The following CTNND2 variants were observed in gnomAD, a reference collection of about 807,000 sequenced individuals.
CTNND2 encodes catenin delta-2.
A neutral mutation model predicts 144.4 loss-of-function variants in CTNND2; 22 were observed. The observed-to-expected ratio is 0.15, with a 90% CI of 0.11 to 0.22. The LOEUF is 0.22. Ranked by LOEUF, CTNND2 falls within the 10% of genes least tolerant of loss-of-function variation. CTNND2 has a pLI of 1.00. For missense variants in CTNND2, 1,353 were observed against 1,618.8 expected (o/e 0.84, Z 2.82); for synonymous variants, 751 against 695.6 (o/e 1.08, Z -1.25).
chr5:11,018,535 G>T (rs1741869524), intron 17 of CTNND2, among the ~76,000 whole-genome samples: 1 of 152,092 alleles, frequency 6.6e-6, no homozygotes, highest in Admixed American at 6.6e-5. Context: ...TGAATGCAAA[G>T]GAAAAGTTCT....
intron 3 of CTNND2, among the ~76,000 whole-genome samples, chr5:11,557,487 C>T (rs1776322435): frequency 6.6e-6 from 1 of 152,190 alleles, no homozygotes; most frequent in South Asian, 2.1e-4. Flanking sequence ...TAAATGCCAT[C>T]TGCATTACTA....
At chr5:11,123,701 G>T (rs2149704351) in intron 12 of CTNND2, among the ~76,000 whole-genome samples, 1 of 152,336 alleles carries the variant, frequency 6.6e-6, no homozygotes, top group Middle Eastern at 3.4e-3. Flanking sequence ...CCTATACTTC[G>T]ATTAGCCCCA....
intron 2 of CTNND2, among the ~76,000 whole-genome samples, chr5:11,568,363 T>C (rs1777288008): frequency 6.6e-6 from 1 of 152,102 alleles, no homozygotes; most frequent in Admixed American, 6.5e-5. Context: ...GTGTGGAAAC[T>C]CTCTCAAGGC....
chr5:11,707,380 C>T (rs367907822), intron 2 of CTNND2, among the ~76,000 whole-genome samples: 2 of 152,164 alleles, frequency 1.3e-5, no homozygotes, highest in East Asian at 3.9e-4. Context: ...ACAGAATATA[C>T]CCGTTGTCTC....
At chr5:11,563,323 A>G (rs1384684449) in intron 3 of CTNND2, among the ~76,000 whole-genome samples, 2 of 152,258 alleles carry the variant, frequency 1.3e-5, no homozygotes, top group East Asian at 1.9e-4. Context: ...CATCAAGTCA[A>G]TGGTGCATAT....
intron 2 of CTNND2, among the ~76,000 whole-genome samples, chr5:11,664,025 A>C (rs2727604): frequency 2.0e-5 from 3 of 152,202 alleles, no homozygotes; most frequent in African/African-American, 7.2e-5. Context: ...TTAGTTGCCA[A>C]CATATTTCAA....
chr5:11,319,593 TCAC>T lies in CTNND2; in HGVS notation c.1628+26776_1628+26778del, dbSNP rs1259573500. ...TAGAGTGCAATGGCACAATCTCAGA[TCAC>T]CACAACTTCTGCCTCTTCTGTTCAA... On this transcript the variant is annotated intron_variant, in intron 9 of 21. Transcript: ENST00000304623. Among the ~76,000 whole-genome samples, 74 of 152,182 alleles carry T rather than the reference TCAC, an allele frequency of 4.9e-4. 1 individual carries two copies. Among genetic ancestry groups the T allele is most frequent in the Admixed American group, 4.8e-3 (74 of 15,282 alleles).
At chr5:11,191,633 G>A (rs1208488083) in intron 11 of CTNND2, among the ~76,000 whole-genome samples, 1 of 152,158 alleles carries the variant, frequency 6.6e-6, no homozygotes, top group Non-Finnish European at 1.5e-5. Context: ...GCGGGCAGAG[G>A]GCATCAGGGC....
At chr5:11,271,417 C>T (rs1745996491) in intron 9 of CTNND2, among the ~76,000 whole-genome samples, 1 of 152,166 alleles carries the variant, frequency 6.6e-6, no homozygotes, top group South Asian at 2.1e-4. Flanking sequence ...AAAGCTAAAA[C>T]TAAACCAAGG....
At chr5:11,696,576 C>T (rs1274139412) in intron 2 of CTNND2, among the ~76,000 whole-genome samples, 1 of 152,168 alleles carries the variant, frequency 6.6e-6, no homozygotes, top group East Asian at 1.9e-4. Flanking sequence ...TAATAATTTG[C>T]ATTAGAATGA....
intron 1 of CTNND2, among the ~76,000 whole-genome samples, chr5:11,773,409 A>G (rs953762747): frequency 2.6e-5 from 4 of 152,348 alleles, no homozygotes; most frequent in South Asian, 2.1e-4. Context: ...CACTCCTGTG[A>G]TACAGAATTA....
At chr5:11,880,668 ACTACT>A (rs1258537786) in intron 1 of CTNND2, among the ~76,000 whole-genome samples, 4 of 115,248 alleles carry the variant, frequency 3.5e-5, no homozygotes, top group African/African-American at 1.3e-4. Flanking sequence ...CACCACTACT[ACTACT>A]CTACCACTAC....
At position 11,111,300 on chromosome 5, in the gene CTNND2, T is replaced by C. The variant is rs114788813; in HGVS notation, c.2278-257A>G. ...TTCTATAAACATCTGTTATTGTTGA[T>C]TGAAATTCACTTGTGAGAAGGGAAG... On this transcript the variant is annotated intron_variant, in intron 13 of 21. Coordinates refer to ENST00000304623, the MANE Select transcript of CTNND2 (RefSeq NM_001332.4). Among the ~76,000 whole-genome samples the C allele has an allele frequency of 2.5e-3, 375 of 152,334 alleles. 1 individual carries two copies. The highest frequency in any genetic ancestry group is 8.7e-3 in the African/African-American group (362 of 41,584).
intron 16 of CTNND2, among the ~76,000 whole-genome samples, chr5:11,030,036 G>GT (rs56720379): frequency 0.018 from 2,708 of 150,354 alleles, 85 homozygotes; most frequent in African/African-American, 0.061. Flanking sequence ...TTGGCTGACA[G>GT]TTTTTTTTTT....
At chr5:11,282,602 G>T (rs879789890) in intron 9 of CTNND2, among the ~76,000 whole-genome samples, 22 of 152,174 alleles carry the variant, frequency 1.4e-4, no homozygotes, top group Admixed American at 1.4e-3. Context: ...CGACTGTTTT[G>T]TCTTCCTGTA....
chr5:11,069,976 G>A (rs769224310), intron 16 of CTNND2, among the ~76,000 whole-genome samples: 7 of 152,130 alleles, frequency 4.6e-5, no homozygotes, highest in Admixed American at 1.3e-4. Context: ...TAGCAACCCC[G>A]TAGATGAAAT....
intron 1 of CTNND2, among the ~76,000 whole-genome samples, chr5:11,805,446 C>T (rs1330112580): frequency 6.6e-6 from 1 of 152,014 alleles, no homozygotes; most frequent in African/African-American, 2.4e-5. Context: ...GAAGAAATGG[C>T]TGATCCTAAG....
intron 11 of CTNND2, among the ~76,000 whole-genome samples, chr5:11,166,552 A>C (rs1759354894): frequency 6.6e-6 from 1 of 151,760 alleles, no homozygotes; most frequent in African/African-American, 2.4e-5. Context: ...CGGCCAAAAA[A>C]AGTTCATTTT....
At chr5:11,796,792 A>AT (rs1192378179) in intron 1 of CTNND2, among the ~76,000 whole-genome samples, 1 of 152,136 alleles carries the variant, frequency 6.6e-6, no homozygotes, top group East Asian at 2.0e-4. Flanking sequence ...CATTTCCTAC[A>AT]TTTTTATAAC....
Sources: allele counts gnomAD v4.1 joint callset (sites outside exome capture counted in the v4.1 genomes callset), GRCh38; gene constraint gnomAD v4.1.1; transcripts MANE v1.5; gene names NCBI Gene and HGNC (gene_info 2026-07-23, HGNC 2026-07-21).